Variants in KHDRBS2 observed in about 807,000 individuals in gnomAD.
KHDRBS2 encodes the protein KH domain-containing, RNA-binding, signal transduction-associated protein 2.
KHDRBS2 carries 26 observed loss-of-function variants against 44.3 expected under a neutral mutation model. The ratio of observed to expected loss-of-function variants is 0.59; its 90% CI spans 0.43 to 0.81. The LOEUF is 0.81. Among genes scored for constraint, KHDRBS2 ranks in the 40% least tolerant of loss-of-function variants. The probability of loss-of-function intolerance (pLI) is 0.00; values close to 1 mark genes in which losing one functional copy is unlikely to be tolerated. For missense variants in KHDRBS2, 476 were observed against 433.1 expected, an observed-to-expected ratio of 1.10 and a Z score of -0.88; for synonymous variants, 194 against 151.1, an observed-to-expected ratio of 1.28 and a Z score of -2.08.
intron 3 of KHDRBS2, among the ~76,000 whole-genome samples, chr6:62,034,545 A>G (rs1784910514): frequency 6.6e-6 from 1 of 151,928 alleles, no homozygotes; most frequent in South Asian, 2.1e-4. Flanking sequence ...GACAAAAACC[A>G]TATAATCATT....
At chr6:62,053,013 A>G (rs1789422945) in intron 2 of KHDRBS2, among the ~76,000 whole-genome samples, 2 of 152,050 alleles carry the variant, frequency 1.3e-5, no homozygotes, top group African/African-American at 4.8e-5. Context: ...TAAAAAAATA[A>G]TGGGTAACTG....
chr6:61,599,069 C>T, the KHDRBS2 span, among the ~76,000 whole-genome samples: 5 of 151,638 alleles, frequency 3.3e-5, no homozygotes, highest in African/African-American at 1.2e-4. Flanking sequence ...GAGTAGCTGG[C>T]ATTACAGGTG....
At chr6:62,191,485 G>A (rs1424886861) in intron 1 of KHDRBS2, among the ~76,000 whole-genome samples, 1 of 151,984 alleles carries the variant, frequency 6.6e-6, no homozygotes, top group Non-Finnish European at 1.5e-5. Context: ...CAACACTTTT[G>A]TCACTTTTTA....
chr6:61,581,593 T>C, the KHDRBS2 span, among the ~76,000 whole-genome samples: 2 of 144,892 alleles, frequency 1.4e-5, no homozygotes, highest in Non-Finnish European at 3.1e-5. Flanking sequence ...ATATACAATA[T>C]ACAATATACA....
chr6:61,847,941 T>C (rs1794651718), intron 6 of KHDRBS2, among the ~76,000 whole-genome samples: 1 of 152,064 alleles, frequency 6.6e-6, no homozygotes, highest in South Asian at 2.1e-4. Context: ...GCTAATTCTA[T>C]TGTTACTAAA....
At chr6:62,170,638 G>T (rs1819798620) in intron 2 of KHDRBS2, among the ~76,000 whole-genome samples, 1 of 152,086 alleles carries the variant, frequency 6.6e-6, no homozygotes, top group South Asian at 2.1e-4. Context: ...CACCATGGCT[G>T]CTGGCACATG....
chr6:61,947,690 T>C (rs1273114481), intron 4 of KHDRBS2, among the ~76,000 whole-genome samples: 6 of 151,960 alleles, frequency 3.9e-5, no homozygotes, highest in Admixed American at 6.6e-5. Flanking sequence ...AAAAAAGTAG[T>C]GTGAATTTTC....
the KHDRBS2 span, among the ~76,000 whole-genome samples, chr6:61,572,135 T>A: frequency 6.6e-6 from 1 of 151,964 alleles, no homozygotes; most frequent in Non-Finnish European, 1.5e-5. Flanking sequence ...AAATGGGAGA[T>A]ATTAAAACTG....
chr6:61,543,334 C>A, the KHDRBS2 span, among the ~76,000 whole-genome samples: 3 of 151,780 alleles, frequency 2.0e-5, no homozygotes, highest in African/African-American at 4.8e-5. Flanking sequence ...AGAAGGCATA[C>A]AAGTGGAAAA....
In KHDRBS2 at chr6:61,905,837, T is replaced by C. The variant is rs1228313149; in HGVS notation, c.484-4466A>G. ...GAGGCACCTAAATGCTTAAAAAAAATATGGAACAAAACTTTTCTTTTTTTT... is the reference window on the plus strand; with the variant it reads ...GAGGCACCTAAATGCTTAAAAAAAACATGGAACAAAACTTTTCTTTTTTTT... On this transcript the variant is annotated intron_variant, in intron 4 of 8. Transcript: ENST00000281156. Among the ~76,000 whole-genome samples, 4 of 149,510 alleles carry C rather than the reference T, an allele frequency of 2.7e-5. No homozygotes were observed. The Admixed American group carries it at 2.7e-4, about 10-fold the overall frequency.
At chr6:61,883,175 G>T (rs1800446950) in intron 6 of KHDRBS2, among the ~76,000 whole-genome samples, 1 of 151,890 alleles carries the variant, frequency 6.6e-6, no homozygotes, top group African/African-American at 2.4e-5. Context: ...ATGATCAAAA[G>T]ATAGAAAATA....
chr6:61,563,893 C>A, the KHDRBS2 span, among the ~76,000 whole-genome samples: 1 of 152,072 alleles, frequency 6.6e-6, no homozygotes, highest in African/African-American at 2.4e-5. Flanking sequence ...AAGTTTGCTT[C>A]TCCATTATAC....
intron 7 of KHDRBS2, among the ~76,000 whole-genome samples, chr6:61,712,442 C>A (rs1186137827): frequency 1.3e-5 from 2 of 151,750 alleles, no homozygotes. Flanking sequence ...CCAATGTATG[C>A]AAATGGAGAT....
At chr6:62,285,631 A>C (rs535250651) in intron 1 of KHDRBS2, among the ~76,000 whole-genome samples, 1 of 152,280 alleles carries the variant, frequency 6.6e-6, no homozygotes, top group African/African-American at 2.4e-5. Flanking sequence ...CACTGCCATT[A>C]GATCTCCGTA....
At chr6:61,745,752 A>G (rs530646156) in intron 6 of KHDRBS2, among the ~76,000 whole-genome samples, 5 of 152,278 alleles carry the variant, frequency 3.3e-5, no homozygotes, top group African/African-American at 1.2e-4. Flanking sequence ...TGGCCACACA[A>G]GAGGAGAGTT....
intron 6 of KHDRBS2, among the ~76,000 whole-genome samples, chr6:61,884,553 A>G (rs577279882): frequency 1.3e-5 from 2 of 152,200 alleles, no homozygotes; most frequent in Admixed American, 1.3e-4. Flanking sequence ...AAGCTACACC[A>G]ACATATGAGT....
intron 2 of KHDRBS2, among the ~76,000 whole-genome samples, chr6:62,131,442 A>T (rs1429481376): frequency 6.6e-6 from 1 of 152,202 alleles, no homozygotes; most frequent in Admixed American, 6.5e-5. Context: ...AGTACAAGTG[A>T]ATCCCCATGT....
intron 3 of KHDRBS2, among the ~76,000 whole-genome samples, chr6:62,009,633 G>T (rs1779919303): frequency 6.6e-6 from 1 of 152,114 alleles, no homozygotes; most frequent in African/African-American, 2.4e-5. Flanking sequence ...CAGGCCCAGG[G>T]TCCCCAAGCT....
At chr6:61,953,527 T>C (rs1765217569) in intron 4 of KHDRBS2, among the ~76,000 whole-genome samples, 2 of 152,058 alleles carry the variant, frequency 1.3e-5, no homozygotes, top group Non-Finnish European at 2.9e-5. Flanking sequence ...TAAGACTTTA[T>C]ATTGCTAGCA....
Sources: allele counts gnomAD v4.1 joint callset (sites outside exome capture counted in the v4.1 genomes callset), GRCh38; gene constraint gnomAD v4.1.1; transcripts MANE v1.5; gene names NCBI Gene and HGNC (gene_info 2026-07-23, HGNC 2026-07-21).